The following LY86 variants were observed in gnomAD, a reference collection of about 807,000 sequenced individuals.
LY86 encodes the protein lymphocyte antigen 86, also known as MD-1, RP105-associated.
LY86 carries 20 observed loss-of-function variants against 17.3 expected under a neutral mutation model. The ratio of observed to expected loss-of-function variants is 1.15; its 90% CI spans 0.81 to 1.68. The LOEUF is 1.68. Among genes scored for constraint, LY86 ranks in the 40% most tolerant of loss-of-function variants. LY86 has a pLI of 0.00. For synonymous variants in LY86, 74 were observed against 70.6 expected, an observed-to-expected ratio of 1.05 and a Z score of -0.24; for missense variants, 200 against 191.9, an observed-to-expected ratio of 1.04 and a Z score of -0.25.
intron 3 of LY86, among the ~76,000 whole-genome samples, chr6:6,639,300 G>A (rs1346592966): frequency 6.6e-6 from 1 of 151,592 alleles, no homozygotes; most frequent in East Asian, 1.9e-4. Context: ...GGTTCTGAAG[G>A]GCCCTTTGTG....
intron 1 of LY86, among the ~76,000 whole-genome samples, chr6:6,616,237 G>T (rs1316260216): frequency 6.6e-6 from 1 of 152,204 alleles, no homozygotes; most frequent in Non-Finnish European, 1.5e-5. Context: ...GAAGCTTGTT[G>T]GGTCTTGTCC....
At chr6:6,590,041 C>T (rs1198534754) in intron 1 of LY86, among the ~76,000 whole-genome samples, 1 of 147,822 alleles carries the variant, frequency 6.8e-6, no homozygotes, top group Non-Finnish European at 1.5e-5. Flanking sequence ...TTGCTTGAAC[C>T]CAGGAGGTGG....
intron 1 of LY86, among the ~76,000 whole-genome samples, chr6:6,592,532 A>G (rs1239534739): frequency 1.3e-5 from 2 of 152,238 alleles, no homozygotes; most frequent in Non-Finnish European, 2.9e-5. Flanking sequence ...GGTGAGGGGA[A>G]GCATAAGGGA....
chr6:6,598,095 C>T (rs1310585655), intron 1 of LY86, among the ~76,000 whole-genome samples: 9 of 152,160 alleles, frequency 5.9e-5, no homozygotes, highest in African/African-American at 2.2e-4. Context: ...TTTTAAATAT[C>T]CCTTTAAACA....
intron 1 of LY86, among the ~76,000 whole-genome samples, chr6:6,603,962 T>G (rs748838969): frequency 2.0e-5 from 3 of 152,144 alleles, no homozygotes; most frequent in Non-Finnish European, 4.4e-5. Context: ...CTTGGGAAAC[T>G]AAGTCTTCCA....
intron 3 of LY86, among the ~76,000 whole-genome samples, chr6:6,646,255 G>GA (rs1762105644): frequency 6.6e-6 from 1 of 152,024 alleles, no homozygotes; most frequent in South Asian, 2.1e-4. Context: ...CCAATTAATA[G>GA]AAAAAAGAGC....
chr6:6,633,184 C>T (rs1041438310), intron 3 of LY86, among the ~76,000 whole-genome samples: 3 of 152,210 alleles, frequency 2.0e-5, no homozygotes, highest in Non-Finnish European at 4.4e-5. Context: ...TTCATTCTTG[C>T]TCCACAAGCT....
Position 6,625,018 on chromosome 6 carries a change from T to TA in LY86, c.223+14dup, listed in dbSNP as rs748354471. 74 of 1,319,334 alleles carry TA rather than the reference T, an allele frequency of 5.6e-5. No individual in the cohort carries two copies. The highest frequency in any genetic ancestry group is 9.4e-5 in the Admixed American group (5 of 53,206). 81.7% of individuals were successfully genotyped at this position (1,319,334 alleles called of 1,614,324 possible). A position where few individuals can be genotyped will look rare whatever the true frequency, so the allele number is the denominator to read the frequency against. On this transcript the variant is annotated splice_region_variant and intron_variant, in intron 2 of 4. Coordinates refer to ENST00000230568, the MANE Select transcript of LY86 (RefSeq NM_004271.4). ...TAGATTTGGAATTATTCTGAGTAAG[T>TA]AAAAAAAATGATTAGCATGAAATAA...
chr6:6,613,220 G>A (rs941413270), intron 1 of LY86, among the ~76,000 whole-genome samples: 5 of 145,492 alleles, frequency 3.4e-5, no homozygotes, highest in Non-Finnish European at 6.0e-5. Flanking sequence ...TTCACCCAGT[G>A]GATCCGGCAC....
At chr6:6,622,000 G>A (rs909138781) in intron 1 of LY86, among the ~76,000 whole-genome samples, 4 of 151,910 alleles carry the variant, frequency 2.6e-5, no homozygotes, top group African/African-American at 7.2e-5. Flanking sequence ...TTCCCCAAGA[G>A]GACCACAAAC....
intron 1 of LY86, among the ~76,000 whole-genome samples, chr6:6,598,568 TTTTA>T (rs2113083623): frequency 1.3e-5 from 2 of 152,220 alleles, no homozygotes; most frequent in Non-Finnish European, 2.9e-5. Flanking sequence ...TTTACTTAAA[TTTTA>T]CCTATTACAT....
chr6:6,643,929 G>GCAAAGTTCATTTA (rs1762074703), intron 3 of LY86, among the ~76,000 whole-genome samples: 1 of 152,220 alleles, frequency 6.6e-6, no homozygotes, highest in African/African-American at 2.4e-5. Context: ...CCCAGCAGGT[G>GCAAAGTTCATTTA]GGAAAGGGAC....
chr6:6,640,096 T>C (rs1183358132), intron 3 of LY86, among the ~76,000 whole-genome samples: 4 of 152,104 alleles, frequency 2.6e-5, no homozygotes, highest in Non-Finnish European at 5.9e-5. Flanking sequence ...TCTTCCCCCA[T>C]AAAACCACCA....
At chr6:6,632,321 G>A (rs553300150) in intron 3 of LY86, among the ~76,000 whole-genome samples, 2 of 152,238 alleles carry the variant, frequency 1.3e-5, no homozygotes, top group African/African-American at 4.8e-5. Flanking sequence ...CAGTCTGGAG[G>A]GCCATTACAT....
At chr6:6,617,901 C>T (rs1461906479) in intron 1 of LY86, among the ~76,000 whole-genome samples, 4 of 152,310 alleles carry the variant, frequency 2.6e-5, no homozygotes, top group East Asian at 1.9e-4. Context: ...AGTGCAGTGG[C>T]GCGATCTCGG....
intron 1 of LY86, among the ~76,000 whole-genome samples, chr6:6,602,200 T>C (rs4960221): frequency 0.76 from 115,447 of 152,146 alleles, 46,436 homozygotes; most frequent in Non-Finnish European, 0.89. Flanking sequence ...ATAATAGTTA[T>C]GTATCCACTT....
chr6:6,615,352 A>C (rs1761527188), intron 1 of LY86, among the ~76,000 whole-genome samples: 1 of 152,168 alleles, frequency 6.6e-6, no homozygotes, highest in East Asian at 1.9e-4. Flanking sequence ...TGTTCCACCA[A>C]TCCTGTTTAA....
intron 1 of LY86, among the ~76,000 whole-genome samples, chr6:6,608,125 C>T (rs1761239772): frequency 6.6e-6 from 1 of 152,176 alleles, no homozygotes; most frequent in East Asian, 1.9e-4. Flanking sequence ...ATTTGCCCGT[C>T]ACTGCCACTT....
chr6:6,600,083 A>T (rs1242588206), intron 1 of LY86, among the ~76,000 whole-genome samples: 2 of 152,308 alleles, frequency 1.3e-5, no homozygotes, highest in East Asian at 3.9e-4. Flanking sequence ...TATGTAAGAG[A>T]TCACTGGGGG....
Sources: allele counts gnomAD v4.1 joint callset (sites outside exome capture counted in the v4.1 genomes callset), GRCh38; gene constraint gnomAD v4.1.1; transcripts MANE v1.5; gene names NCBI Gene and HGNC (gene_info 2026-07-23, HGNC 2026-07-21).